SAMM50: variants seen among roughly 807,000 people sequenced by gnomAD.
SAMM50 encodes the protein SAMM50 sorting and assembly machinery component, also known as sorting and assembly machinery component 50 homolog.
A neutral mutation model predicts 66.9 loss-of-function variants in SAMM50; 47 were observed. The observed-to-expected ratio is 0.70, with a 90% confidence interval of 0.56 to 0.90. The LOEUF (loss-of-function observed/expected upper bound fraction) is 0.90. Ranked by LOEUF, SAMM50 falls within the 40% of genes least tolerant of loss-of-function variation. SAMM50 has a pLI of 0.00. For missense variants in SAMM50, 535 were observed against 595.3 expected (o/e 0.90, Z 1.05); for synonymous variants, 191 against 214.1 (o/e 0.89, Z 0.94).
Position 43,983,006 on chromosome 22 carries a change from C to G in SAMM50, c.1008-927C>G, listed in dbSNP as rs1017465529. 3.3e-5 allele frequency among the ~76,000 whole-genome samples: 5 copies of G among 152,154 alleles called. No homozygotes were observed. The highest frequency in any genetic ancestry group is 1.2e-4 in the African/African-American group (5 of 41,426). ...CATGTTAATGGGGTATTCAGAAAAG[C>G]CTTGCTTAGAAATCCCAAGTAGTAA... On this transcript the variant is annotated intron_variant, in intron 11 of 14. Coordinates refer to ENST00000350028, the MANE Select transcript of SAMM50 (RefSeq NM_015380.5). This position sits in a 1 kb window ranked among gnomAD's most constrained non-coding sequence, Gnocchi z 4.2.
intron 13 of SAMM50, 80 bp downstream of exon 13, chr22:43,989,337 G>GTA: frequency 8.6e-5 from 89 of 1,032,610 alleles, no homozygotes; most frequent in Non-Finnish European, 1.0e-4. Context: ...AGAGGTGTCT[G>GTA]TCTTTTTTTT....
Position 43,983,304 on chromosome 22 carries a change from G to A in SAMM50, c.1008-629G>A, listed in dbSNP as rs918852284. Among the ~76,000 whole-genome samples the A allele has an allele frequency of 6.6e-6, 1 of 152,056 alleles. No homozygotes were observed. Among genetic ancestry groups the A allele is most frequent in the Non-Finnish European group, 1.5e-5 (1 of 68,022 alleles). The stretch of plus-strand genomic sequence containing the variant: ...TTAGTAATTATCATAATCTAAAATC[G>A]GGTTCTAATATGCTGTTCAATTTTT... On this transcript the variant is annotated intron_variant, in intron 11 of 14. Coordinates refer to ENST00000350028, the MANE Select transcript of SAMM50 (RefSeq NM_015380.5). The surrounding 1 kb of genome is among the most constrained non-coding windows in gnomAD (Gnocchi z 4.2).
intron 10 of SAMM50, among the ~76,000 whole-genome samples, chr22:43,980,634 G>C (rs182676413): frequency 1.6e-4 from 24 of 152,262 alleles, no homozygotes; most frequent in African/African-American, 5.3e-4. Flanking sequence ...CGGACACCTG[G>C]CTGAGAAGAA....
Position 43,957,130 on chromosome 22 carries a change from C to T in SAMM50, c.21+1532C>T, listed in dbSNP as rs2050123638. The T allele has an allele frequency of 5.3e-5, 42 of 798,946 alleles. 1 individual carries two copies. In the South Asian group the frequency reaches 5.6e-4, roughly 11 times the overall value. 49.5% of individuals were successfully genotyped at this position (798,946 alleles called of 1,614,324 possible). A position where few individuals can be genotyped will look rare whatever the true frequency, so the allele number is the denominator to read the frequency against. On this transcript the variant is annotated intron_variant, in intron 1 of 14. Coordinates refer to ENST00000350028, the MANE Select transcript of SAMM50 (RefSeq NM_015380.5). ...CTTCTTAAAATTGAAGGTGTTTATGCCCGAGATGAAACAGAATTCTATTTG... is the reference window on the plus strand; with the variant it reads ...CTTCTTAAAATTGAAGGTGTTTATGTCCGAGATGAAACAGAATTCTATTTG...
chr22:43,995,492 T>A (rs1254362793), intron 14 of SAMM50: 1 of 152,194 alleles, frequency 6.6e-6, no homozygotes, highest in Non-Finnish European at 1.5e-5. Context: ...GAAGTTGAGG[T>A]CCCTAGGTTA....
At chr22:43,987,681 A>G (rs1171261019) in intron 12 of SAMM50, 2 of 152,196 alleles carry the variant, frequency 1.3e-5, no homozygotes, top group African/African-American at 4.8e-5. Context: ...AAAAGCTTAA[A>G]AAAATACATG....
chr22:43,960,335 G>C (rs1047101809), intron 1 of SAMM50, among the ~76,000 whole-genome samples: 12 of 152,160 alleles, frequency 7.9e-5, no homozygotes, highest in Non-Finnish European at 1.3e-4. Flanking sequence ...GCACACAGTG[G>C]ACTTTCAGTA....
Position 43,973,253 on chromosome 22 carries a change from A to G in SAMM50, c.578A>G (p.Tyr193Cys). Residue 193 changes from tyrosine to cysteine, a missense_variant, in exon 7 of 15, where the codon TAT becomes TGT. Coordinates refer to ENST00000350028, the MANE Select transcript of SAMM50 (RefSeq NM_015380.5). ...TCTCCTAGTTTCTCTGTAAACTTAT[A>G]TAAAGTTACTGGACAGTTCCCTTGG... Reference protein sequence around the residue: ...NFERNFSVNLYKVTGQFPWSS... With the variant: ...NFERNFSVNLCKVTGQFPWSS... The G allele has an allele frequency of 6.2e-7, 1 of 1,602,110 alleles. No homozygotes were observed. Among genetic ancestry groups the G allele is most frequent in the Non-Finnish European group, 8.6e-7 (1 of 1,169,040 alleles).
intron 13 of SAMM50, among the ~76,000 whole-genome samples, chr22:43,989,969 G>T (rs2050314406): frequency 6.6e-6 from 1 of 152,192 alleles, no homozygotes. Flanking sequence ...GACTCAGAGT[G>T]GGGCTTCCCA....
intron 10 of SAMM50, among the ~76,000 whole-genome samples, chr22:43,980,172 C>T (rs1256105764): frequency 6.4e-5 from 1 of 15,534 alleles, no homozygotes; most frequent in Admixed American, 9.6e-4. Flanking sequence ...ATTCACCCAC[C>T]CACCCACCCA....
chr22:43,986,338 C>G (rs1410051328), intron 12 of SAMM50: 1 of 151,920 alleles, frequency 6.6e-6, no homozygotes, highest in African/African-American at 2.4e-5. Context: ...GCACGCCTGG[C>G]CAAGTTTTAC....
In SAMM50 at chr22:43,981,416, G is replaced by A; in HGVS notation, c.962G>A (p.Gly321Glu). The change falls in exon 11 of 15, where the codon GGA (glycine) becomes GAA (glutamate). Residue 321 changes from glycine to glutamate, a missense_variant. Physicochemically the swap from Gly to Glu is moderately conservative, Grantham distance 98. Coordinates refer to ENST00000350028, the MANE Select transcript of SAMM50 (RefSeq NM_015380.5). Reference protein sequence around the residue: ...DSVFSASFWGGMLVPIGDKPS... With the variant: ...DSVFSASFWGEMLVPIGDKPS... Reference sequence around the variant, plus strand: ...GTTTTTTCAGCGTCTTTCTGGGGCGGAATGTTGGTACCCATTGGTGATAAG... The same window carrying A: ...GTTTTTTCAGCGTCTTTCTGGGGCGAAATGTTGGTACCCATTGGTGATAAG... The A allele has an allele frequency of 6.2e-7, 1 of 1,613,876 alleles. No homozygotes were observed. Among genetic ancestry groups the A allele is most frequent in the Non-Finnish European group, 8.5e-7 (1 of 1,179,794 alleles).
intron 12 of SAMM50, chr22:43,986,934 C>T (rs796122727): frequency 6.6e-5 from 10 of 152,194 alleles, no homozygotes; most frequent in African/African-American, 1.9e-4. Context: ...AAATTTTTGT[C>T]GAAAGTATAG....
At chr22:43,992,466 C>T (rs2050330214) in intron 14 of SAMM50, among the ~76,000 whole-genome samples, 1 of 152,226 alleles carries the variant, frequency 6.6e-6, no homozygotes, top group Admixed American at 6.5e-5. Context: ...CGCCAGCTCC[C>T]ATTCCCCTCC....
intron 7 of SAMM50, 194 bp from the exon 8 acceptor site, chr22:43,975,861 C>A: frequency 1.7e-6 from 1 of 585,182 alleles, no homozygotes. Context: ...AGCTTTCCCC[C>A]TTTCTTCCTT....
Position 43,973,015 on chromosome 22 carries a change from C to T in SAMM50, c.560+14C>T. 5 of 1,586,818 alleles carry T rather than the reference C, an allele frequency of 3.2e-6. No individual in the cohort carries two copies. The highest frequency in any genetic ancestry group is 4.3e-6 in the Non-Finnish European group (5 of 1,173,262). On this transcript the variant is annotated intron_variant, in intron 6 of 14. Coordinates refer to ENST00000350028, the MANE Select transcript of SAMM50 (RefSeq NM_015380.5). The stretch of plus-strand genomic sequence containing the variant: ...CTTCGAAAGAAAGTAGGAAGCCCAA[C>T]AGATCATTGAGTACACTGGCCTGAT...
rs139412613 is a variant in SAMM50 at position 43,975,940 on chromosome 22, TA to T, written c.649-107del. 1,802 of 1,073,528 alleles carry T rather than the reference TA, an allele frequency of 1.7e-3. 15 individuals are homozygous for T. In the African/African-American group the frequency reaches 0.025, roughly 15 times the overall value. 66.5% of individuals were successfully genotyped at this position (1,073,528 alleles called of 1,614,324 possible). A position where few individuals can be genotyped will look rare whatever the true frequency, so the allele number is the denominator to read the frequency against. ...TCCCCTTCTCCCTCTCTCTCATCAT[TA>T]AAAAAAATTAGATATTTAGTTCATT... is the stretch of plus-strand genomic sequence containing the variant. On this transcript the variant is annotated intron_variant, in intron 7 of 14. Transcript: ENST00000350028.
intron 2 of SAMM50, among the ~76,000 whole-genome samples, 199 bp from the exon 3 acceptor site, chr22:43,964,253 C>T (rs1275510548): frequency 1.3e-5 from 2 of 152,112 alleles, no homozygotes; most frequent in African/African-American, 4.8e-5. Context: ...ACAGAAAGTA[C>T]ATAACGAGCA....
intron 1 of SAMM50, among the ~76,000 whole-genome samples, chr22:43,960,496 A>T (rs563891810): frequency 6.2e-4 from 95 of 152,306 alleles, no homozygotes; most frequent in Non-Finnish European, 1.0e-3. Flanking sequence ...TGGGAGGCTG[A>T]GGTGGGTGGA....
Sources: allele counts gnomAD v4.1 joint callset (sites outside exome capture counted in the v4.1 genomes callset), GRCh38; gene constraint gnomAD v4.1.1; non-coding constraint Gnocchi (gnomAD v3.1); transcripts MANE v1.5; gene names NCBI Gene and HGNC (gene_info 2026-07-23, HGNC 2026-07-21).